The following RTTN variants were observed in gnomAD, a reference collection of about 807,000 sequenced individuals.
RTTN encodes the protein rotatin.
RTTN carries 182 observed loss-of-function variants against 269.2 expected under a neutral mutation model. The observed-to-expected ratio is 0.68, with a 90% CI of 0.60 to 0.76. RTTN has a LOEUF of 0.76. Among genes scored for constraint, RTTN ranks in the 30% least tolerant of loss-of-function variants. The probability of loss-of-function intolerance (pLI) is 0.00; values close to 1 mark genes in which losing one functional copy is unlikely to be tolerated. For synonymous variants in RTTN, 1,006 were observed against 963.5 expected (o/e 1.04, Z -0.82); for missense variants, 2,545 against 2,608.6 (o/e 0.98, Z 0.53).
intron 23 of RTTN, among the ~76,000 whole-genome samples, chr18:70,133,047 G>A (rs1477926770): frequency 1.3e-5 from 2 of 152,132 alleles, no homozygotes; most frequent in East Asian, 1.9e-4. Context: ...ATAAATGCAT[G>A]ATGGGATGTC....
chr18:70,108,473 C>T (rs1215928501), intron 28 of RTTN, among the ~76,000 whole-genome samples: 2 of 152,116 alleles, frequency 1.3e-5, no homozygotes, highest in Non-Finnish European at 2.9e-5. Flanking sequence ...TTCTTACAAT[C>T]TCACATTCTC....
At chr18:70,182,017 A>C (rs2061431657) in intron 10 of RTTN, among the ~76,000 whole-genome samples, 1 of 152,164 alleles carries the variant, frequency 6.6e-6, no homozygotes, top group Non-Finnish European at 1.5e-5. Flanking sequence ...AAGTTAATTT[A>C]AGAAACAACT....
chr18:70,146,696 T>C (rs1246840590), intron 17 of RTTN, among the ~76,000 whole-genome samples: 3 of 152,196 alleles, frequency 2.0e-5, no homozygotes, highest in Non-Finnish European at 2.9e-5. Flanking sequence ...GAATAATTGA[T>C]AATAAGAGCT....
intron 11 of RTTN, among the ~76,000 whole-genome samples, chr18:70,169,990 A>C (rs2061095805): frequency 6.6e-6 from 1 of 152,238 alleles, no homozygotes; most frequent in Non-Finnish European, 1.5e-5. Flanking sequence ...CCTTTAAATG[A>C]ATATAGTTGC....
intron 28 of RTTN, among the ~76,000 whole-genome samples, chr18:70,098,275 A>G (rs906145255): frequency 6.6e-6 from 1 of 152,158 alleles, no homozygotes; most frequent in Non-Finnish European, 1.5e-5. Context: ...CAAATTAACA[A>G]CTTAACATCA....
chr18:70,040,209 C>T (rs777009410), intron 40 of RTTN, among the ~76,000 whole-genome samples: 2 of 152,152 alleles, frequency 1.3e-5, no homozygotes, highest in Non-Finnish European at 2.9e-5. Context: ...ACAATGCCCA[C>T]TTATCTGTTG....
chr18:70,030,097 T>C lies in RTTN; in HGVS notation c.5660A>G (p.Asp1887Gly). ...GTGTTTCATCTGCTCCATGCAATTGTCTATAAGATTGGCTGAAAGACAAAA... is the reference window on the plus strand; with the variant it reads ...GTGTTTCATCTGCTCCATGCAATTGCCTATAAGATTGGCTGAAAGACAAAA... ...QKHALKANLI[D>G]NCMEQMKHIN... Residue 1887 changes from aspartate (D) to glycine (G), a missense_variant, in exon 42 of 49, where the codon GAC becomes GGC. Physicochemically the swap from Asp to Gly is moderately conservative, Grantham distance 94. Transcript: ENST00000640769. 1 of 1,611,320 alleles carries C rather than the reference T, an allele frequency of 6.2e-7. No homozygotes were observed. The highest frequency in any genetic ancestry group is 8.5e-7 in the Non-Finnish European group (1 of 1,178,938).
intron 35 of RTTN, among the ~76,000 whole-genome samples, chr18:70,064,954 A>C (rs2058092327): frequency 6.6e-6 from 1 of 152,152 alleles, no homozygotes; most frequent in South Asian, 2.1e-4. Flanking sequence ...GAGCCATTTA[A>C]ATAATCTGAG....
intron 36 of RTTN, among the ~76,000 whole-genome samples, chr18:70,058,474 C>T (rs527914612): frequency 9.9e-5 from 15 of 152,132 alleles, no homozygotes; most frequent in East Asian, 5.8e-4. Context: ...GCCGAGATCG[C>T]GCCACTGCAT....
At chr18:70,173,507 A>T (rs191450237) in intron 11 of RTTN, among the ~76,000 whole-genome samples, 2 of 151,808 alleles carry the variant, frequency 1.3e-5, no homozygotes, top group Admixed American at 6.6e-5. Flanking sequence ...AAAAAAAAAA[A>T]AAAAGAAAAT....
intron 18 of RTTN, among the ~76,000 whole-genome samples, chr18:70,143,093 C>A (rs2060300387): frequency 6.6e-6 from 1 of 152,172 alleles, no homozygotes; most frequent in African/African-American, 2.4e-5. Flanking sequence ...TTTTGATTTG[C>A]ATTTCTCCAA....
chr18:70,117,285 T>G (rs1273682596), intron 26 of RTTN, among the ~76,000 whole-genome samples: 1 of 152,140 alleles, frequency 6.6e-6, no homozygotes, highest in Non-Finnish European at 1.5e-5. Flanking sequence ...ACTGAGCTTC[T>G]TAAATCATTT....
At chr18:70,089,756 GT>G (rs764998875) in intron 30 of RTTN, among the ~76,000 whole-genome samples, 3 of 152,200 alleles carry the variant, frequency 2.0e-5, no homozygotes, top group Non-Finnish European at 4.4e-5. Flanking sequence ...ATGTTCTAGT[GT>G]TTTGTGAAAG....
chr18:70,119,796 A>G (rs2059689937), intron 26 of RTTN, among the ~76,000 whole-genome samples: 1 of 152,212 alleles, frequency 6.6e-6, no homozygotes, highest in African/African-American at 2.4e-5. Flanking sequence ...TAGTGATAAA[A>G]TTAAGGTTTT....
At chr18:70,114,891 C>T (rs2145496686) in intron 26 of RTTN, among the ~76,000 whole-genome samples, 1 of 152,148 alleles carries the variant, frequency 6.6e-6, no homozygotes, top group East Asian at 1.9e-4. Context: ...ATATAACTCT[C>T]CTTTTTGTTT....
chr18:70,049,220 T>C (rs1436284206), intron 39 of RTTN, among the ~76,000 whole-genome samples: 12 of 152,180 alleles, frequency 7.9e-5, no homozygotes, highest in Non-Finnish European at 1.8e-4. Flanking sequence ...TAAGTGAGTG[T>C]GGCTATGTTC....
chr18:70,205,631 G>A lies in RTTN; in HGVS notation c.28C>T (p.Leu10Phe). ...CGAGGGGCAAGCTGACAGTTACCGA[G>A]TTTCCTGATGAGCCCTGCCAGGACC... MVLAGLIRK[L>F]GHQLAEIRER... The change falls in exon 1 of 49, where the codon CTC becomes TTC. Residue 10 changes from leucine (L) to phenylalanine (F), a missense_variant. Coordinates refer to ENST00000640769, the MANE Select transcript of RTTN (RefSeq NM_173630.4). 1 of 1,614,176 alleles carries A rather than the reference G, an allele frequency of 6.2e-7. No homozygotes were observed. Among genetic ancestry groups the A allele is most frequent in the South Asian group, 1.1e-5 (1 of 91,084 alleles).
rs1182508594 is a variant in RTTN, at chr18:70,004,235, A to G, written c.6597T>C (p.Thr2199=). 9 of 1,610,558 alleles carry G rather than the reference A, an allele frequency of 5.6e-6. No individual in the cohort carries two copies. In the South Asian group the frequency reaches 6.6e-5, roughly 12 times the overall value. ...VDEAYSLAKK[T]FPNSEANPLN... ...GAGGGTTTGCTTCTGAGTTTGGGAA[A>G]GCTGAGATAGAAAAATAAGAGTACA... The change falls in exon 49 of 49, where the codon ACT becomes ACC. Residue 2199 remains threonine (T), a splice_region_variant and synonymous_variant. Coordinates refer to ENST00000640769, the MANE Select transcript of RTTN (RefSeq NM_173630.4).
At position 70,197,727 on chromosome 18, in the gene RTTN, C is replaced by A. The variant is rs549561642; in HGVS notation, c.590G>T (p.Ser197Ile). The change falls in exon 6 of 49, where the codon AGT becomes ATT. Residue 197 changes from serine (S) to isoleucine (I), a missense_variant. Physicochemically the swap from Ser to Ile is moderately radical, Grantham distance 142 (BLOSUM62 -2). Coordinates refer to ENST00000640769, the MANE Select transcript of RTTN (RefSeq NM_173630.4). ...GTTCCAGATTAAAGTGTGGTTACTACTTCTTAAAGAGCTACAAAACATAGC... is the reference window on the plus strand; with the variant it reads ...GTTCCAGATTAAAGTGTGGTTACTAATTCTTAAAGAGCTACAAAACATAGC... ...VLSSNESSLR[S>I]SNHTLIWNTC... The A allele has an allele frequency of 2.5e-6, 4 of 1,588,648 alleles. No homozygotes were observed. In the African/African-American group the frequency reaches 5.4e-5, roughly 21 times the overall value.
Sources: gnomAD v4.1 joint callset for allele counts (sites outside exome capture counted in the v4.1 genomes callset) on GRCh38, gnomAD v4.1.1 for gene constraint, MANE v1.5 for transcripts, NCBI Gene and HGNC (gene_info 2026-07-23, HGNC 2026-07-21) for gene names.